Variants in ZNF236 observed in about 807,000 individuals in gnomAD.
ZNF236 encodes the protein regulated by glucose.
Under a neutral mutation model 191.2 loss-of-function variants are expected in ZNF236, and 50 were observed. The observed-to-expected ratio is 0.26, with a 90% CI of 0.21 to 0.33. ZNF236 has a LOEUF of 0.33. ZNF236 is among the 10% of genes least tolerant of loss of function. ZNF236 has a pLI of 1.00. For synonymous variants in ZNF236, 907 were observed against 928.8 expected (o/e 0.98, Z 0.43); for missense variants, 1,754 against 2,374.5 (o/e 0.74, Z 5.43).
intron 3 of ZNF236, among the ~76,000 whole-genome samples, chr18:76,861,563 G>A (rs1167128146): frequency 6.6e-6 from 1 of 152,186 alleles, no homozygotes; most frequent in Non-Finnish European, 1.5e-5. Flanking sequence ...TCTTTTCCCT[G>A]TATGTCAAAA....
chr18:76,905,953 C>G (rs1977729020), intron 13 of ZNF236, among the ~76,000 whole-genome samples: 1 of 152,216 alleles, frequency 6.6e-6, no homozygotes, highest in African/African-American at 2.4e-5. Context: ...GCATTTCTGA[C>G]TAGTGCTGGG....
At chr18:76,947,493 T>A in intron 26 of ZNF236, 28 bp from the exon 27 acceptor site, 1 of 1,599,624 alleles carries the variant, frequency 6.3e-7, no homozygotes, top group South Asian at 1.1e-5. Flanking sequence ...AAGTTACAAC[T>A]TCTGAAATAG....
intron 22 of ZNF236, among the ~76,000 whole-genome samples, chr18:76,926,199 G>A (rs538267729): frequency 1.3e-5 from 2 of 152,352 alleles, no homozygotes; most frequent in African/African-American, 4.8e-5. Context: ...GGGGTGATTA[G>A]ACAGTGTGTG....
chr18:76,882,062 G>A (rs963154096), intron 9 of ZNF236, among the ~76,000 whole-genome samples: 14 of 152,098 alleles, frequency 9.2e-5, no homozygotes, highest in Middle Eastern at 3.4e-3. Context: ...ATTTCCATCC[G>A]CCCTCCCTCT....
intron 3 of ZNF236, among the ~76,000 whole-genome samples, chr18:76,854,162 A>G (rs1333684018): frequency 6.6e-6 from 1 of 152,212 alleles, no homozygotes; most frequent in Non-Finnish European, 1.5e-5. Context: ...CATGTGGTAC[A>G]CCATAAATAT....
chr18:76,882,060 C>G (rs1436346255), intron 9 of ZNF236, among the ~76,000 whole-genome samples: 2 of 152,184 alleles, frequency 1.3e-5, no homozygotes, highest in African/African-American at 4.8e-5. Context: ...GCATTTCCAT[C>G]CGCCCTCCCT....
At chr18:76,824,231 A>G (rs1452128128) in intron 1 of ZNF236, 3 of 758,922 alleles carry the variant, frequency 4.0e-6, no homozygotes, top group Non-Finnish European at 2.5e-6. Context: ...GAATCAATGT[A>G]AACTTATTCA....
At chr18:76,909,815 G>A (rs1568225130) in intron 14 of ZNF236, among the ~76,000 whole-genome samples, 2 of 152,200 alleles carry the variant, frequency 1.3e-5, no homozygotes, top group African/African-American at 4.8e-5. Context: ...GAATGTAATA[G>A]CATTTTAGAA....
intron 25 of ZNF236, among the ~76,000 whole-genome samples, chr18:76,930,058 C>T (rs983905487): frequency 1.3e-5 from 2 of 152,168 alleles, no homozygotes; most frequent in African/African-American, 4.8e-5. Flanking sequence ...GTCCTTTTAC[C>T]TGATGTTTTC....
intron 7 of ZNF236, 23 bp downstream of exon 7, chr18:76,878,175 ACTT>A (rs770116774): frequency 5.7e-6 from 9 of 1,567,350 alleles, no homozygotes; most frequent in East Asian, 2.3e-5. Flanking sequence ...ATTTGGAAGA[ACTT>A]CTTTTTAAAC....
chr18:76,871,627 T>G (rs1976586278), intron 4 of ZNF236, 74 bp from the exon 5 acceptor site: 1 of 1,583,550 alleles, frequency 6.3e-7, no homozygotes, highest in Admixed American at 1.8e-5. Flanking sequence ...AATTTTCTGG[T>G]AGGATTTTCA....
rs767883454 is a variant in ZNF236, at chr18:76,912,335, G to C, written c.2897G>C (p.Arg966Thr). 7 of 1,613,946 alleles carry C rather than the reference G, an allele frequency of 4.3e-6. No individual in the cohort carries two copies. Among genetic ancestry groups the C allele is most frequent in the Non-Finnish European group, 5.9e-6 (7 of 1,179,886 alleles). The change falls in exon 17 of 31, where the codon AGG becomes ACG. Residue 966 changes from arginine (R) to threonine (T), a missense_variant. This residue lies in a region of ZNF236 where 641 missense variants were observed against 869.6 expected (regional missense o/e 0.74). Coordinates refer to ENST00000320610, the MANE Select transcript of ZNF236 (RefSeq NM_001306089.2). ...QFLEDNEDQS[R>T]RSYRCDYCNK... is the part of the protein sequence containing the mutation. ...CTGGAGGACAACGAGGACCAGAGCA[G>C]GCGCTCTTACAGGTAGTTGTCTGCA... is the stretch of plus-strand genomic sequence containing the variant.
At chr18:76,951,315 T>C (rs1211064428) in intron 27 of ZNF236, among the ~76,000 whole-genome samples, 5 of 152,236 alleles carry the variant, frequency 3.3e-5, no homozygotes, top group Non-Finnish European at 7.3e-5. Context: ...CTGTTTACAC[T>C]GAAAATCTGT....
At chr18:76,874,232 A>G (rs917231794) in intron 5 of ZNF236, among the ~76,000 whole-genome samples, 2 of 152,150 alleles carry the variant, frequency 1.3e-5, no homozygotes, top group Non-Finnish European at 2.9e-5. Context: ...CCATTTGTGT[A>G]CTGTCCCCAA....
rs1262137661 is a variant in ZNF236 at position 76,925,479 on chromosome 18, C to T, written c.3952C>T (p.Leu1318=). The T allele has an allele frequency of 1.2e-6, 2 of 1,614,108 alleles. No homozygotes were observed. Among genetic ancestry groups the T allele is most frequent in the African/African-American group, 1.3e-5 (1 of 74,926 alleles). The change falls in exon 22 of 31, where the codon CTA becomes TTA. Residue 1318 remains leucine, a synonymous_variant. Coordinates refer to ENST00000320610, the MANE Select transcript of ZNF236 (RefSeq NM_001306089.2). This position sits in a 1 kb window ranked among gnomAD's most constrained non-coding sequence, Gnocchi z 5.7. ...PNVFIMNNSV[L]TGQFDQNLLQ... ...CGTGTTTATCATGAACAACTCTGTT[C>T]TAACAGGACAGTTTGATCAGAATCT...
chr18:76,937,096 C>A, intron 25 of ZNF236, 60 bp from the exon 26 acceptor site: 1 of 1,531,006 alleles, frequency 6.5e-7, no homozygotes, highest in Non-Finnish European at 9.0e-7. Context: ...TCTCCCTATG[C>A]CCTTACACCT....
At chr18:76,868,232 G>A (rs1976469853) in intron 3 of ZNF236, among the ~76,000 whole-genome samples, 1 of 152,166 alleles carries the variant, frequency 6.6e-6, no homozygotes, top group Non-Finnish European at 1.5e-5. Context: ...AGACAGTGAT[G>A]TGGTCTATCT....
At chr18:76,876,030 GAA>G (rs1231942355) in intron 6 of ZNF236, among the ~76,000 whole-genome samples, 1 of 151,820 alleles carries the variant, frequency 6.6e-6, no homozygotes, top group Non-Finnish European at 1.5e-5. Context: ...ATAAAATTGG[GAA>G]AAAAAAGTGT....
At chr18:76,921,810 C>T (rs1360385255) in intron 20 of ZNF236, among the ~76,000 whole-genome samples, 1 of 132,124 alleles carries the variant, frequency 7.6e-6, no homozygotes, top group African/African-American at 2.9e-5. Flanking sequence ...GGCGTGGTCT[C>T]GGCTCAGTGC....
Sources: allele counts gnomAD v4.1 joint callset (sites outside exome capture counted in the v4.1 genomes callset), GRCh38; gene constraint gnomAD v4.1.1; regional missense constraint gnomAD v4.1.1; non-coding constraint Gnocchi (gnomAD v3.1); transcripts MANE v1.5; gene names NCBI Gene and HGNC (gene_info 2026-07-23, HGNC 2026-07-21).